RALGPS2: variants seen among roughly 807,000 people sequenced by gnomAD.
The protein encoded by RALGPS2 is Ral GEF with PH domain and SH3 binding motif 2, also known as ras-specific guanine nucleotide-releasing factor RalGPS2.
Under a neutral mutation model 86.8 loss-of-function variants are expected in RALGPS2, and 43 were observed. The observed-to-expected ratio is 0.50, with a 90% confidence interval of 0.39 to 0.64. The LOEUF (loss-of-function observed/expected upper bound fraction) is 0.64, where lower values mean the gene tolerates loss of function less well. Among genes scored for constraint, RALGPS2 ranks in the 30% least tolerant of loss-of-function variants. The pLI, the probability that RALGPS2 is intolerant of heterozygous loss-of-function variation, is 0.00. For missense variants in RALGPS2, 536 were observed against 694.6 expected (o/e 0.77, Z 2.57); for synonymous variants, 243 against 231.3 (o/e 1.05, Z -0.46).
intron 7 of RALGPS2, among the ~76,000 whole-genome samples, chr1:178,826,598 A>G (rs1655752511): frequency 6.6e-6 from 1 of 152,164 alleles, no homozygotes; most frequent in South Asian, 2.1e-4. Context: ...ATGGAGTTTC[A>G]TTTTGAGAAG....
intron 1 of RALGPS2, among the ~76,000 whole-genome samples, chr1:178,751,112 G>T (rs900175648): frequency 6.6e-6 from 1 of 150,732 alleles, no homozygotes. Flanking sequence ...TATCTTCCAT[G>T]TTCACACACA....
chr1:178,904,014 C>A (rs1342716364), intron 18 of RALGPS2, among the ~76,000 whole-genome samples: 1 of 151,974 alleles, frequency 6.6e-6, no homozygotes, highest in Admixed American at 6.6e-5. Context: ...CCAACATCTA[C>A]TGTTTTTTTA....
intron 19 of RALGPS2, among the ~76,000 whole-genome samples, chr1:178,907,527 G>A (rs991043118): frequency 2.6e-5 from 4 of 152,202 alleles, no homozygotes; most frequent in African/African-American, 9.7e-5. Context: ...TTCAGCTGCA[G>A]AAGAGCAGGA....
At chr1:178,864,267 C>T (rs1658229110) in intron 8 of RALGPS2, among the ~76,000 whole-genome samples, 1 of 151,954 alleles carries the variant, frequency 6.6e-6, no homozygotes, top group South Asian at 2.1e-4. Context: ...CATGCATGAT[C>T]AATGCAATAG....
chr1:178,820,008 A>C (rs1655421165), intron 6 of RALGPS2, among the ~76,000 whole-genome samples: 1 of 152,232 alleles, frequency 6.6e-6, no homozygotes, highest in Admixed American at 6.5e-5. Context: ...AAGGTGGTAT[A>C]GTTCATATAC....
In RALGPS2 at chr1:178,784,547, C is replaced by T. The variant is rs569016477; in HGVS notation, c.162+25C>T. On this transcript the variant is annotated intron_variant, in intron 3 of 19. Coordinates refer to ENST00000367635, the MANE Select transcript of RALGPS2 (RefSeq NM_152663.5). ...GGTAAGCCTCCTACCTCTGTCTTCTCCGGTTTTGCACATAATTTACATATT... is the reference window on the plus strand; with the variant it reads ...GGTAAGCCTCCTACCTCTGTCTTCTTCGGTTTTGCACATAATTTACATATT... 40 of 1,515,024 alleles carry T rather than the reference C, an allele frequency of 2.6e-5. No homozygotes were observed. The South Asian group carries it at 4.5e-4, about 17-fold the overall frequency. The allele number at this position is 1,515,024 out of a possible 1,614,324, so 93.8% of individuals were successfully genotyped here. A position where few individuals can be genotyped will look rare whatever the true frequency, so the allele number is the denominator to read the frequency against.
At chr1:178,769,763 G>A (rs1334681195) in intron 1 of RALGPS2, among the ~76,000 whole-genome samples, 1 of 152,316 alleles carries the variant, frequency 6.6e-6, no homozygotes, top group Non-Finnish European at 1.5e-5. Flanking sequence ...AAGGCCTGCA[G>A]TGGGGGAAAG....
intron 18 of RALGPS2, among the ~76,000 whole-genome samples, chr1:178,904,591 C>T (rs1357197373): frequency 1.3e-5 from 2 of 152,122 alleles, no homozygotes; most frequent in African/African-American, 4.8e-5. Context: ...ATCCCAGCAC[C>T]GTTAGTTAAA....
intron 10 of RALGPS2, 69 bp from the exon 11 acceptor site, chr1:178,883,397 C>T (rs1043346096): frequency 8.1e-7 from 1 of 1,240,966 alleles, no homozygotes; most frequent in Non-Finnish European, 1.2e-6. Context: ...TGAGAAAATA[C>T]ACAACTTTAA....
chr1:178,890,590 TTTAAA>T (rs1484691019), intron 14 of RALGPS2, among the ~76,000 whole-genome samples: 4 of 151,982 alleles, frequency 2.6e-5, no homozygotes, highest in African/African-American at 4.8e-5. Context: ...ATAAAACAAT[TTTAAA>T]TTAAATTTTA....
chr1:178,776,073 A>G (rs947635115), intron 1 of RALGPS2, among the ~76,000 whole-genome samples: 1 of 152,168 alleles, frequency 6.6e-6, no homozygotes, highest in South Asian at 2.1e-4. Flanking sequence ...TTTAAAGTAT[A>G]CAAGAGGATG....
At chr1:178,802,490 C>T (rs1010071495) in intron 4 of RALGPS2, among the ~76,000 whole-genome samples, 1 of 152,016 alleles carries the variant, frequency 6.6e-6, no homozygotes, top group Non-Finnish European at 1.5e-5. Flanking sequence ...TGAAAAATAA[C>T]GTGAGAACCG....
intron 1 of RALGPS2, among the ~76,000 whole-genome samples, chr1:178,771,639 T>C (rs1471068789): frequency 6.6e-6 from 1 of 152,224 alleles, no homozygotes; most frequent in Non-Finnish European, 1.5e-5. Context: ...TTTACTTTTT[T>C]CTAATTAATG....
At chr1:178,726,144 C>A (rs1261963372) in intron 1 of RALGPS2, 1 of 152,292 alleles carries the variant, frequency 6.6e-6, no homozygotes, top group African/African-American at 2.4e-5. Flanking sequence ...TCTCATCAAA[C>A]ACTTGCAAAG....
chr1:178,875,514 G>A (rs1022872911), intron 8 of RALGPS2, among the ~76,000 whole-genome samples: 6 of 152,090 alleles, frequency 3.9e-5, no homozygotes, highest in Non-Finnish European at 7.4e-5. Context: ...TTGGGAGGCT[G>A]AGGCGGGTGG....
intron 8 of RALGPS2, among the ~76,000 whole-genome samples, chr1:178,866,135 GA>G (rs970625096): frequency 1.1e-4 from 17 of 152,056 alleles, no homozygotes; most frequent in Non-Finnish European, 2.5e-4. Context: ...TTGAGACCCT[GA>G]TAAGATAGCT....
At chr1:178,860,614 C>T (rs892513489) in intron 8 of RALGPS2, among the ~76,000 whole-genome samples, 9 of 152,230 alleles carry the variant, frequency 5.9e-5, no homozygotes, top group Non-Finnish European at 1.0e-4. Context: ...CTCCGCCTAA[C>T]ATCTGGCAGC....
intron 4 of RALGPS2, among the ~76,000 whole-genome samples, chr1:178,798,049 G>A (rs1034804433): frequency 6.3e-4 from 95 of 149,966 alleles, no homozygotes; most frequent in African/African-American, 2.3e-3. Context: ...AAAAAGGGAT[G>A]GCGTGAATGT....
intron 19 of RALGPS2, among the ~76,000 whole-genome samples, chr1:178,912,555 CT>C (rs962791859): frequency 6.6e-5 from 10 of 152,176 alleles, no homozygotes; most frequent in African/African-American, 2.2e-4. Context: ...GAAAGGTCCA[CT>C]GTTAACCTGA....
Sources: gnomAD v4.1 joint callset for allele counts (sites outside exome capture counted in the v4.1 genomes callset) on GRCh38, gnomAD v4.1.1 for gene constraint, MANE v1.5 for transcripts, NCBI Gene and HGNC (gene_info 2026-07-23, HGNC 2026-07-21) for gene names.